Variants in KLHL20 observed in about 807,000 individuals in gnomAD.
The protein encoded by KLHL20 is kelch like family member 20, also known as kelch-like protein 20.
KLHL20 carries 29 observed loss-of-function variants against 69.5 expected under a neutral mutation model. That is an observed-to-expected ratio of 0.42 (90% CI 0.31 to 0.57). The LOEUF is 0.57. Among genes scored for constraint, KLHL20 ranks in the 20% least tolerant of loss-of-function variants. KLHL20 has a pLI of 0.18. For synonymous variants in KLHL20, 253 were observed against 265.2 expected (o/e 0.95, Z 0.45); for missense variants, 419 against 776.0 (o/e 0.54, Z 5.47).
chr1:173,762,223 G>A (rs1647354755), intron 7 of KLHL20, among the ~76,000 whole-genome samples: 1 of 151,980 alleles, frequency 6.6e-6, no homozygotes, highest in South Asian at 2.1e-4. Context: ...GATTGAAGTG[G>A]TAATTTAAAA....
chr1:173,730,147 G>A (rs1403272481), intron 2 of KLHL20, among the ~76,000 whole-genome samples: 1 of 152,184 alleles, frequency 6.6e-6, no homozygotes, highest in East Asian at 1.9e-4. Context: ...AAATACCTAG[G>A]AATCCAACTT....
At chr1:173,716,088 C>T (rs775841423) in intron 2 of KLHL20, 22 bp downstream of exon 2, 2 of 1,611,712 alleles carry the variant, frequency 1.2e-6, no homozygotes, top group Non-Finnish European at 1.7e-6. Flanking sequence ...GGAAGAAAAC[C>T]TTTGGTTTCA....
chr1:173,718,484 G>T (rs1671560078), intron 2 of KLHL20, among the ~76,000 whole-genome samples: 1 of 151,478 alleles, frequency 6.6e-6, no homozygotes, highest in Admixed American at 6.6e-5. Context: ...GGCAGAGATT[G>T]CAGTTAAGCC....
chr1:173,784,078 C>G (rs1571945548), intron 11 of KLHL20, among the ~76,000 whole-genome samples: 2 of 152,102 alleles, frequency 1.3e-5, no homozygotes, highest in Middle Eastern at 6.8e-3. Context: ...GACTCCGTCT[C>G]AAAACAAAAC....
At chr1:173,743,661 T>C (rs1373012652) in intron 3 of KLHL20, among the ~76,000 whole-genome samples, 3 of 152,138 alleles carry the variant, frequency 2.0e-5, no homozygotes, top group Non-Finnish European at 4.4e-5. Context: ...TAGTGTCCTT[T>C]GTTGCTATTT....
At chr1:173,762,081 C>G (rs1234745193) in intron 7 of KLHL20, among the ~76,000 whole-genome samples, 2 of 152,048 alleles carry the variant, frequency 1.3e-5, no homozygotes, top group African/African-American at 4.8e-5. Context: ...TCATTCAAGG[C>G]TACTATGAAC....
At chr1:173,731,128 A>G (rs1310598019) in intron 2 of KLHL20, among the ~76,000 whole-genome samples, 1 of 152,190 alleles carries the variant, frequency 6.6e-6, no homozygotes. Flanking sequence ...GCTCATCATC[A>G]CTGGCCATCA....
intron 11 of KLHL20, among the ~76,000 whole-genome samples, chr1:173,784,680 C>G (rs1040223381): frequency 6.6e-6 from 1 of 152,080 alleles, no homozygotes. Flanking sequence ...TGACTTTACT[C>G]AAATCTGGTT....
At chr1:173,756,847 C>A in intron 6 of KLHL20, 129 bp from the exon 7 acceptor site, 2 of 715,938 alleles carry the variant, frequency 2.8e-6, no homozygotes, top group South Asian at 2.2e-5. Flanking sequence ...GAAGTCATAA[C>A]TTGCATTTTG....
intron 2 of KLHL20, among the ~76,000 whole-genome samples, chr1:173,727,057 C>T (rs1672005011): frequency 6.6e-6 from 1 of 152,054 alleles, no homozygotes. Context: ...CTTAAAGGAC[C>T]TGATGGAGCT....
chr1:173,739,219 C>T (rs1350498584), intron 3 of KLHL20, among the ~76,000 whole-genome samples: 1 of 152,102 alleles, frequency 6.6e-6, no homozygotes, highest in African/African-American at 2.4e-5. Flanking sequence ...ACTACAGGCA[C>T]CCACCACCAC....
At chr1:173,731,100 A>G (rs1232260368) in intron 2 of KLHL20, among the ~76,000 whole-genome samples, 2 of 152,260 alleles carry the variant, frequency 1.3e-5, no homozygotes, top group Admixed American at 1.3e-4. Flanking sequence ...TATGCAGCCA[A>G]AAGACACATG....
chr1:173,764,465 G>C (rs1327797334), intron 7 of KLHL20, among the ~76,000 whole-genome samples: 1 of 152,218 alleles, frequency 6.6e-6, no homozygotes. Context: ...CAAAATCGTG[G>C]AAGCAAACCA....
In KLHL20 at chr1:173,767,131, T is replaced by C. The variant is rs1647783909; in HGVS notation, c.1295+842T>C. ...GAGTTCAACTTTTTTAGATTCCTCATATAAGTGAGATCATGCAATATTTGT... is the reference window on the plus strand; with the variant it reads ...GAGTTCAACTTTTTTAGATTCCTCACATAAGTGAGATCATGCAATATTTGT... On this transcript the variant is annotated intron_variant, in intron 8 of 11. Transcript: ENST00000209884. Among the ~76,000 whole-genome samples the C allele has an allele frequency of 1.3e-5, 2 of 152,192 alleles. 1 individual carries two copies. The highest frequency in any genetic ancestry group is 4.1e-4 in the South Asian group (2 of 4,828).
intron 2 of KLHL20, among the ~76,000 whole-genome samples, chr1:173,728,722 C>T (rs550161219): frequency 1.3e-5 from 2 of 152,194 alleles, no homozygotes; most frequent in South Asian, 4.2e-4. Flanking sequence ...ATACCAGAAT[C>T]TCTGGGACAC....
chr1:173,768,428 C>A (rs1418407117), intron 8 of KLHL20, among the ~76,000 whole-genome samples: 1 of 151,980 alleles, frequency 6.6e-6, no homozygotes, highest in Non-Finnish European at 1.5e-5. Flanking sequence ...ACTAGTTTAC[C>A]ATGTATATGT....
intron 7 of KLHL20, among the ~76,000 whole-genome samples, chr1:173,758,636 G>C (rs1451609772): frequency 1.3e-5 from 2 of 152,196 alleles, no homozygotes; most frequent in Non-Finnish European, 1.5e-5. Context: ...GTTTGCAGGA[G>C]AAGTTTCCAA....
intron 3 of KLHL20, among the ~76,000 whole-genome samples, chr1:173,735,585 T>C (rs1289554699): frequency 1.3e-5 from 2 of 152,218 alleles, no homozygotes; most frequent in Non-Finnish European, 2.9e-5. Flanking sequence ...TGCAGTAAAG[T>C]GGTCAGCTCA....
intron 3 of KLHL20, among the ~76,000 whole-genome samples, chr1:173,751,031 G>A (rs1370998433): frequency 6.6e-6 from 1 of 152,144 alleles, no homozygotes; most frequent in Admixed American, 6.6e-5. Context: ...GTACAGTCTC[G>A]TGAGTAATAA....
Sources: allele counts gnomAD v4.1 joint callset (sites outside exome capture counted in the v4.1 genomes callset), GRCh38; gene constraint gnomAD v4.1.1; transcripts MANE v1.5; gene names NCBI Gene and HGNC (gene_info 2026-07-23, HGNC 2026-07-21).